The following CACNA2D2 variants were observed in gnomAD, a reference collection of about 807,000 sequenced individuals.
CACNA2D2 encodes calcium voltage-gated channel auxiliary subunit alpha2delta 2.
CACNA2D2 carries 48 observed loss-of-function variants against 166.4 expected under a neutral mutation model. The ratio of observed to expected loss-of-function variants is 0.29; its 90% CI spans 0.23 to 0.37. The LOEUF (loss-of-function observed/expected upper bound fraction) is 0.37. Among genes scored for constraint, CACNA2D2 ranks in the 10% least tolerant of loss-of-function variants. The pLI, the probability that CACNA2D2 is intolerant of heterozygous loss-of-function variation, is 1.00. For synonymous variants in CACNA2D2, 561 were observed against 573.7 expected (o/e 0.98, Z 0.32); for missense variants, 1,122 against 1,433.0 (o/e 0.78, Z 3.50).
intron 3 of CACNA2D2, among the ~76,000 whole-genome samples, chr3:50,414,510 A>T (rs1707177394): frequency 6.6e-6 from 1 of 152,116 alleles, no homozygotes; most frequent in South Asian, 2.1e-4. Flanking sequence ...AAACCAAGGG[A>T]CAGGGCAGCC....
rs899240819 is a variant in CACNA2D2 at position 50,427,109 on chromosome 3, G to A, written c.405+7204C>T. On this transcript the variant is annotated intron_variant, in intron 3 of 37. Coordinates refer to ENST00000424201, the MANE Select transcript of CACNA2D2 (RefSeq NM_006030.4). This position sits in a 1 kb window ranked among gnomAD's most constrained non-coding sequence, Gnocchi z 4.7. ...GACCCCAGGGACACTTGGGTTTACC[G>A]TCCCTTCCGCAGACATCCAGGCCAC... 2.0e-5 allele frequency among the ~76,000 whole-genome samples: 3 copies of A among 152,166 alleles called. No individual in the cohort carries two copies. The highest frequency in any genetic ancestry group is 7.2e-5 in the African/African-American group (3 of 41,442).
At chr3:50,486,054 G>C (rs1698266154) in intron 1 of CACNA2D2, among the ~76,000 whole-genome samples, 1 of 149,274 alleles carries the variant, frequency 6.7e-6, no homozygotes, top group Non-Finnish European at 1.5e-5. Context: ...GGCACGATGG[G>C]AACAGAAGTC....
intron 2 of CACNA2D2, among the ~76,000 whole-genome samples, chr3:50,474,700 T>G (rs973341267): frequency 6.6e-6 from 1 of 152,232 alleles, no homozygotes; most frequent in Admixed American, 6.5e-5. Context: ...GGAAAGGTGC[T>G]GGCTGCACAC....
intron 1 of CACNA2D2, among the ~76,000 whole-genome samples, chr3:50,494,948 G>A (rs917834713): frequency 6.6e-6 from 1 of 152,162 alleles, no homozygotes; most frequent in Non-Finnish European, 1.5e-5. Context: ...AGTGCTGGGA[G>A]TACAGGCGTC....
chr3:50,486,938 AGCAG>A (rs1458460824), intron 1 of CACNA2D2, among the ~76,000 whole-genome samples: 1 of 152,248 alleles, frequency 6.6e-6, no homozygotes, highest in Non-Finnish European at 1.5e-5. Context: ...CCCCCATTTC[AGCAG>A]GCAGCCAAGC....
At chr3:50,385,092 G>A (rs1179972789) in intron 5 of CACNA2D2, among the ~76,000 whole-genome samples, 3 of 152,168 alleles carry the variant, frequency 2.0e-5, no homozygotes, top group East Asian at 1.9e-4. Flanking sequence ...GTGCGCCCCC[G>A]CCCACCATCA....
At chr3:50,493,294 T>G (rs992832794) in intron 1 of CACNA2D2, among the ~76,000 whole-genome samples, 1 of 152,190 alleles carries the variant, frequency 6.6e-6, no homozygotes, top group Non-Finnish European at 1.5e-5. Context: ...GTGTACTGTT[T>G]AGATTGCCAG....
At chr3:50,468,380 AGTGTGTGTGTGTGTGTGTGT>A (rs3220659) in intron 2 of CACNA2D2, among the ~76,000 whole-genome samples, 86 of 83,174 alleles carry the variant, frequency 1.0e-3, no homozygotes, top group South Asian at 4.3e-3. Context: ...TCATCAGAAT[AGTGTGTGTGTGTGTGTGTGT>A]GTGTGTGTGT....
intron 1 of CACNA2D2, among the ~76,000 whole-genome samples, chr3:50,489,520 C>G (rs1442692447): frequency 1.3e-5 from 2 of 151,758 alleles, no homozygotes; most frequent in Non-Finnish European, 2.9e-5. Context: ...CTGGGCAGCC[C>G]AAGGCATGGT....
At chr3:50,411,895 G>T (rs1364911866) in intron 3 of CACNA2D2, among the ~76,000 whole-genome samples, 1 of 152,202 alleles carries the variant, frequency 6.6e-6, no homozygotes, top group Non-Finnish European at 1.5e-5. Flanking sequence ...CTACAGTCCA[G>T]GTGCCAGCTC....
chr3:50,390,819 G>A (rs922705108), intron 4 of CACNA2D2, among the ~76,000 whole-genome samples: 1 of 152,176 alleles, frequency 6.6e-6, no homozygotes, highest in Non-Finnish European at 1.5e-5. Context: ...AAATGAGCAC[G>A]GGGTGAGCGG....
At chr3:50,453,440 A>C (rs1709199889) in intron 2 of CACNA2D2, among the ~76,000 whole-genome samples, 1 of 152,206 alleles carries the variant, frequency 6.6e-6, no homozygotes, top group Non-Finnish European at 1.5e-5. Flanking sequence ...TCCTGGACCA[A>C]CCTACAGAAG....
intron 23 of CACNA2D2, 25 bp downstream of exon 23, chr3:50,370,295 C>T: frequency 6.4e-7 from 1 of 1,561,972 alleles, no homozygotes. Context: ...GGGAGGACAC[C>T]TCAGCAAGGC....
chr3:50,366,439 C>A lies in CACNA2D2; in HGVS notation c.2638-101G>T. 4 of 1,472,998 alleles carry A rather than the reference C, an allele frequency of 2.7e-6. No homozygotes were observed. Among genetic ancestry groups the A allele is most frequent in the Non-Finnish European group, 3.8e-6 (4 of 1,052,708 alleles). The allele number at this position is 1,472,998 out of a possible 1,614,324, so 91.2% of individuals were successfully genotyped here. On this transcript the variant is annotated intron_variant, in intron 30 of 37. Transcript: ENST00000424201. This position sits in a 1 kb window ranked among gnomAD's most constrained non-coding sequence, Gnocchi z 5.9. Reference sequence around the variant, plus strand: ...TCAGAGTTGGGGGGCATCACTCCCCCAGTCCTGGGAAGGCTGTGAAGTCAG... The same window carrying A: ...TCAGAGTTGGGGGGCATCACTCCCCAAGTCCTGGGAAGGCTGTGAAGTCAG...
rs1443215153 is a variant in CACNA2D2, at chr3:50,367,251, C to CT, written c.2401+142dup. ...CACTCAGGACAGTGTTTGGCACAGT[C>CT]TATCCCTCTTTTCACGTCTGCCCTG... On this transcript the variant is annotated intron_variant, in intron 27 of 37. Transcript: ENST00000424201. This position sits in a 1 kb window ranked among gnomAD's most constrained non-coding sequence, Gnocchi z 6.5. The CT allele has an allele frequency of 3.0e-6, 3 of 991,844 alleles. No individual in the cohort carries two copies. The highest frequency in any genetic ancestry group is 4.7e-6 in the Non-Finnish European group (3 of 642,286). The allele number at this position is 991,844 out of a possible 1,614,324, so 61.4% of individuals were successfully genotyped here.
intron 2 of CACNA2D2, among the ~76,000 whole-genome samples, chr3:50,467,726 C>A (rs963560607): frequency 2.0e-5 from 3 of 152,148 alleles, no homozygotes; most frequent in African/African-American, 7.2e-5. Flanking sequence ...AGGAGCCAAC[C>A]CTTGCCTCAG....
chr3:50,467,597 C>A (rs1296838392), intron 2 of CACNA2D2, among the ~76,000 whole-genome samples: 1 of 152,192 alleles, frequency 6.6e-6, no homozygotes, highest in Non-Finnish European at 1.5e-5. Context: ...GCATAGCCTG[C>A]CTCTCCATCC....
At chr3:50,397,662 C>T (rs1706227649) in intron 3 of CACNA2D2, among the ~76,000 whole-genome samples, 1 of 152,240 alleles carries the variant, frequency 6.6e-6, no homozygotes, top group South Asian at 2.1e-4. Context: ...TTCCTCCAAC[C>T]CTCAGCAGCT....
chr3:50,464,451 C>T (rs908362270), intron 2 of CACNA2D2, among the ~76,000 whole-genome samples: 2 of 152,282 alleles, frequency 1.3e-5, no homozygotes, highest in Non-Finnish European at 2.9e-5. Flanking sequence ...ACCCCAGGAG[C>T]TGGTCTGAGT....
Sources: allele counts gnomAD v4.1 joint callset (sites outside exome capture counted in the v4.1 genomes callset), GRCh38; gene constraint gnomAD v4.1.1; non-coding constraint Gnocchi (gnomAD v3.1); transcripts MANE v1.5; gene names NCBI Gene and HGNC (gene_info 2026-07-23, HGNC 2026-07-21).